PEBP1: variants seen among roughly 807,000 people sequenced by gnomAD.
PEBP1 encodes the protein phosphatidylethanolamine-binding protein 1.
PEBP1 carries 17 observed loss-of-function variants against 22.7 expected under a neutral mutation model. The observed-to-expected ratio is 0.75, with a 90% CI of 0.51 to 1.12. PEBP1 has a LOEUF of 1.12. PEBP1 is among the 50% of genes most tolerant of loss of function. PEBP1 has a pLI of 0.00. For missense variants in PEBP1, 205 were observed against 243.5 expected, an observed-to-expected ratio of 0.84 and a Z score of 1.05; for synonymous variants, 106 against 104.3, an observed-to-expected ratio of 1.02 and a Z score of -0.10.
At chr12:118,137,726 C>T (rs1016466424) in intron 1 of PEBP1, among the ~76,000 whole-genome samples, 1 of 152,052 alleles carries the variant, frequency 6.6e-6, no homozygotes, top group Admixed American at 6.6e-5. Context: ...CTCACTCTGT[C>T]GCCCAGGCTG....
At chr12:118,139,323 A>G in intron 2 of PEBP1, 128 bp from the exon 3 acceptor site, 1 of 636,280 alleles carries the variant, frequency 1.6e-6, no homozygotes, top group Non-Finnish European at 2.8e-6. Context: ...AAAAAAAAAA[A>G]AAAAGAAAGG....
rs2034145335 is a variant in PEBP1, at chr12:118,144,997, G to A, written c.*194G>A. 1 of 1,516,066 alleles carries A rather than the reference G, an allele frequency of 6.6e-7. No homozygotes were observed. Among genetic ancestry groups the A allele is most frequent in the African/African-American group, 1.4e-5 (1 of 72,594 alleles). The allele number at this position is 1,516,066 out of a possible 1,614,324, so 93.9% of individuals were successfully genotyped here. A position where few individuals can be genotyped will look rare whatever the true frequency, so the allele number is the denominator to read the frequency against. On this transcript the variant is annotated 3_prime_UTR_variant, in exon 4 of 4. Transcript: ENST00000261313. Reference sequence around the variant, plus strand: ...ATTTTACTCACTCACTCTGATTTATGTTTTGATCAAATTTGAACTTCATTT... The same window carrying A: ...ATTTTACTCACTCACTCTGATTTATATTTTGATCAAATTTGAACTTCATTT...
intron 1 of PEBP1, among the ~76,000 whole-genome samples, chr12:118,137,478 G>A (rs558948317): frequency 1.6e-4 from 25 of 152,226 alleles, no homozygotes; most frequent in African/African-American, 4.3e-4. Context: ...TCGATTGAGC[G>A]CTGGAGGTTG....
chr12:118,142,826 C>CTTTT lies in PEBP1; in HGVS notation c.347-1732_347-1729dup, dbSNP rs374392598. On this transcript the variant is annotated intron_variant, in intron 3 of 3. Transcript: ENST00000261313. ...ACTACAGTAGCGTTAACTACATTCA[C>CTTTT]TTTTTTTTTTTTTTTTTTTTTTTTT... Among the ~76,000 whole-genome samples, 210 of 93,608 alleles carry CTTTT rather than the reference C, an allele frequency of 2.2e-3. 14 individuals carry two copies. The highest frequency in any genetic ancestry group is 9.5e-3 in the South Asian group (22 of 2,306). 61.4% of individuals were successfully genotyped at this position (93,608 alleles called of 152,430 possible).
At chr12:118,139,782 C>T (rs2034099306) in intron 3 of PEBP1, among the ~76,000 whole-genome samples, 3 of 151,756 alleles carry the variant, frequency 2.0e-5, no homozygotes, top group South Asian at 2.1e-4. Context: ...CTCTGCACCC[C>T]TAGCCCTTTA....
Position 118,142,897 on chromosome 12 carries a change from T to C in PEBP1, c.347-1689T>C, listed in dbSNP as rs1432643311. ...CTCTGTCCCCTAGGCTGGAGCACAG[T>C]GGCACGTTTTCAGCTCACTGCAGGG... On this transcript the variant is annotated intron_variant, in intron 3 of 3. Coordinates refer to ENST00000261313, the MANE Select transcript of PEBP1 (RefSeq NM_002567.4). Among the ~76,000 whole-genome samples the C allele has an allele frequency of 9.9e-5, 14 of 140,794 alleles. No homozygotes were observed. In the East Asian group the frequency reaches 2.8e-3, roughly 28 times the overall value. 92.4% of individuals were successfully genotyped at this position (140,794 alleles called of 152,430 possible).
At chr12:118,139,355 G>T in intron 2 of PEBP1, 96 bp from the exon 3 acceptor site, 1 of 786,726 alleles carries the variant, frequency 1.3e-6, no homozygotes, top group Non-Finnish European at 2.3e-6. Context: ...TGGCTGTGTT[G>T]TGGCAGCCAG....
In PEBP1 at chr12:118,142,769, G is replaced by A. The variant is rs534112649; in HGVS notation, c.347-1817G>A. ...TGGGATTACAGGTGTGAGCCACTGC[G>A]CCCCCTCCATCTTAACCATTTTTAA... is the stretch of plus-strand genomic sequence containing the variant. On this transcript the variant is annotated intron_variant, in intron 3 of 3. Transcript: ENST00000261313. Among the ~76,000 whole-genome samples the A allele has an allele frequency of 7.5e-5, 11 of 146,856 alleles. No homozygotes were observed. The East Asian group carries it at 8.5e-4, about 11-fold the overall frequency.
Position 118,144,957 on chromosome 12 carries a change from T to G in PEBP1, c.*154T>G. 1 of 1,535,192 alleles carries G rather than the reference T, an allele frequency of 6.5e-7. No homozygotes were observed. Among genetic ancestry groups the G allele is most frequent in the Non-Finnish European group, 8.7e-7 (1 of 1,146,474 alleles). ...GGTAGTTGAGGGTGACTTTTCCTGC[T>G]GCCTGGCCTTTATAATTTTACTCAC... On this transcript the variant is annotated 3_prime_UTR_variant, in exon 4 of 4. Coordinates refer to ENST00000261313, the MANE Select transcript of PEBP1 (RefSeq NM_002567.4).
At chr12:118,140,770 C>T (rs557746542) in intron 3 of PEBP1, among the ~76,000 whole-genome samples, 1 of 152,196 alleles carries the variant, frequency 6.6e-6, no homozygotes, top group African/African-American at 2.4e-5. Flanking sequence ...AATCTCCTGA[C>T]CTTGTGATCT....
Position 118,145,027 on chromosome 12 carries a change from G to T in PEBP1, c.*224G>T, listed in dbSNP as rs537630753. 2.7e-6 allele frequency: 4 copies of T among 1,488,542 alleles called. No individual in the cohort carries two copies. The highest frequency in any genetic ancestry group is 2.7e-5 in the East Asian group (1 of 36,502). The allele number at this position is 1,488,542 out of a possible 1,614,324, so 92.2% of individuals were successfully genotyped here. On this transcript the variant is annotated 3_prime_UTR_variant, in exon 4 of 4. Coordinates refer to ENST00000261313, the MANE Select transcript of PEBP1 (RefSeq NM_002567.4). ...GATCAAATTTGAACTTCATTTTGGG[G>T]GGTATTTTGGTACTGTGATGGGGTC...
At chr12:118,139,328 G>T in intron 2 of PEBP1, 123 bp from the exon 3 acceptor site, 13 of 522,390 alleles carry the variant, frequency 2.5e-5, no homozygotes, top group East Asian at 7.8e-5. Flanking sequence ...AAAAAAAAAA[G>T]AAAGGACTGT....
intron 3 of PEBP1, among the ~76,000 whole-genome samples, chr12:118,142,820 C>G (rs1289170326): frequency 7.4e-6 from 1 of 134,888 alleles, no homozygotes; most frequent in Non-Finnish European, 1.6e-5. Context: ...GCGTTAACTA[C>G]ATTCACTTTT....
chr12:118,138,588 G>A (rs541394345), intron 2 of PEBP1, among the ~76,000 whole-genome samples: 61 of 151,936 alleles, frequency 4.0e-4, no homozygotes, highest in African/African-American at 1.3e-3. Context: ...TAGTAGAGAC[G>A]GGGTTTCACC....
chr12:118,144,268 C>T (rs982060283), intron 3 of PEBP1, among the ~76,000 whole-genome samples: 3 of 151,572 alleles, frequency 2.0e-5, no homozygotes, highest in Non-Finnish European at 2.9e-5. Context: ...CGTTGGGAGG[C>T]GAGGATAAGG....
At chr12:118,142,028 T>G (rs1240416076) in intron 3 of PEBP1, among the ~76,000 whole-genome samples, 1 of 152,018 alleles carries the variant, frequency 6.6e-6, no homozygotes, top group African/African-American at 2.4e-5. Context: ...AAAAGAAATT[T>G]GGGCACATGC....
chr12:118,144,854 C>G lies in PEBP1; in HGVS notation c.*51C>G. 1 of 1,611,372 alleles carries G rather than the reference C, an allele frequency of 6.2e-7. No individual in the cohort carries two copies. Among genetic ancestry groups the G allele is most frequent in the Non-Finnish European group, 8.5e-7 (1 of 1,179,912 alleles). On this transcript the variant is annotated 3_prime_UTR_variant, in exon 4 of 4. Transcript: ENST00000261313. ...TCCTGGAGGCCCCAAGCCATGTTCCCCAGTTCAGTGTTGCATGTATAATAG... is the reference window on the plus strand; with the variant it reads ...TCCTGGAGGCCCCAAGCCATGTTCCGCAGTTCAGTGTTGCATGTATAATAG...
chr12:118,136,142 CGTCGCCTCT>C lies in PEBP1; in HGVS notation c.-61_-53del. ...CCGAGCCAGTGTGCTGAGCTCTCCG[CGTCGCCTCT>C]GTCGCCCGCGCCTGGCCTACCGCGG... On this transcript the variant is annotated 5_prime_UTR_variant, in exon 1 of 4. Transcript: ENST00000261313. The surrounding 1 kb of genome is among the most constrained non-coding windows in gnomAD (Gnocchi z 5.6). The C allele has an allele frequency of 6.6e-7, 1 of 1,524,766 alleles. No individual in the cohort carries two copies. The highest frequency in any genetic ancestry group is 8.8e-7 in the Non-Finnish European group (1 of 1,138,366). The allele number at this position is 1,524,766 out of a possible 1,614,324, so 94.5% of individuals were successfully genotyped here.
chr12:118,139,536 C>T lies in PEBP1; in HGVS notation c.331C>T (p.Pro111Ser). Residue 111 changes from proline (P) to serine (S), a missense_variant, in exon 3 of 4, where the codon CCT (proline) becomes TCT (serine). Coordinates refer to ENST00000261313, the MANE Select transcript of PEBP1 (RefSeq NM_002567.4). ...TVLSDYVGSG[P>S]PKGTGLHRYV... is the part of the protein sequence containing the mutation. ...CCTCTCCGATTATGTGGGCTCGGGG[C>T]CTCCCAAGGGCACAGGTTAGTAAAG... 1 of 1,611,190 alleles carries T rather than the reference C, an allele frequency of 6.2e-7. No individual in the cohort carries two copies. The highest frequency in any genetic ancestry group is 8.5e-7 in the Non-Finnish European group (1 of 1,177,908).
Sources: gnomAD v4.1 joint callset for allele counts (sites outside exome capture counted in the v4.1 genomes callset) on GRCh38, gnomAD v4.1.1 for gene constraint, Gnocchi (gnomAD v3.1) non-coding constraint, MANE v1.5 for transcripts, NCBI Gene and HGNC (gene_info 2026-07-23, HGNC 2026-07-21) for gene names.